Variants in EMID1 observed in about 807,000 individuals in gnomAD.
EMID1 encodes EMI domain-containing protein 1.
Under a neutral mutation model 60.6 loss-of-function variants are expected in EMID1, and 40 were observed. The observed-to-expected ratio is 0.66, with a 90% CI of 0.51 to 0.86. The LOEUF (loss-of-function observed/expected upper bound fraction) is 0.86, where lower values mean the gene tolerates loss of function less well. Among genes scored for constraint, EMID1 ranks in the 40% least tolerant of loss-of-function variants. The pLI is 0.00. For missense variants in EMID1, 585 were observed against 597.1 expected (o/e 0.98, Z 0.21); for synonymous variants, 242 against 231.0 (o/e 1.05, Z -0.43).
At chr22:29,215,403 C>T in intron 2 of EMID1, 124 bp from the exon 3 acceptor site, 1 of 1,271,056 alleles carries the variant, frequency 7.9e-7, no homozygotes, top group South Asian at 1.5e-5. Context: ...GAGAGAGCCT[C>T]CAAAGGGACC....
intron 14 of EMID1, chr22:29,255,187 C>T (rs2041657834): frequency 1.3e-5 from 3 of 225,766 alleles, no homozygotes; most frequent in Non-Finnish European, 3.1e-5. Flanking sequence ...GCTGGCAGTG[C>T]CCTCCCACCC....
chr22:29,252,301 G>A (rs2041557048), intron 13 of EMID1, among the ~76,000 whole-genome samples: 1 of 152,218 alleles, frequency 6.6e-6, no homozygotes, highest in African/African-American at 2.4e-5. Flanking sequence ...CACTCATGAT[G>A]GACATATTGA....
intron 14 of EMID1, chr22:29,255,474 C>CT: frequency 1.3e-6 from 1 of 786,832 alleles, no homozygotes; most frequent in Non-Finnish European, 1.9e-6. Context: ...GACACTCATT[C>CT]TTCATCCAGC....
intron 5 of EMID1, among the ~76,000 whole-genome samples, chr22:29,230,281 C>T (rs1362459925): frequency 6.6e-6 from 1 of 151,668 alleles, no homozygotes; most frequent in African/African-American, 2.4e-5. Context: ...TGCAGTGAGC[C>T]GAGATCGTGC....
chr22:29,252,455 C>G (rs1415983996), intron 13 of EMID1, among the ~76,000 whole-genome samples: 1 of 152,198 alleles, frequency 6.6e-6, no homozygotes, highest in Non-Finnish European at 1.5e-5. Flanking sequence ...CAGATGTTGT[C>G]AGAGCTGGGA....
intron 1 of EMID1, among the ~76,000 whole-genome samples, chr22:29,209,573 T>A (rs1011402775): frequency 6.6e-6 from 1 of 152,124 alleles, no homozygotes; most frequent in South Asian, 2.1e-4. Context: ...TCAACAAACA[T>A]CGCTGAGCGT....
Position 29,234,366 on chromosome 22 carries a change from G to A in EMID1, c.1074+17G>A, listed in dbSNP as rs1261604832. On this transcript the variant is annotated intron_variant, in intron 12 of 14. Coordinates refer to ENST00000334018, the MANE Select transcript of EMID1 (RefSeq NM_133455.4). ...GGGCAGCGGGTAAGTGTTGCTGTCT[G>A]TCCCGCATTCATCCCTGCAGGATCC... The A allele has an allele frequency of 6.2e-7, 1 of 1,612,170 alleles. No homozygotes were observed. Among genetic ancestry groups the A allele is most frequent in the Non-Finnish European group, 8.5e-7 (1 of 1,179,492 alleles).
chr22:29,232,666 G>C (rs1381845043), intron 8 of EMID1: 1 of 438,608 alleles, frequency 2.3e-6, no homozygotes, highest in Non-Finnish European at 4.0e-6. Context: ...TCCAGAACCT[G>C]TGCTTAGAGC....
intron 13 of EMID1, among the ~76,000 whole-genome samples, chr22:29,249,118 C>A (rs1490133058): frequency 6.6e-6 from 1 of 152,204 alleles, no homozygotes; most frequent in Non-Finnish European, 1.5e-5. Flanking sequence ...GACATTCTCC[C>A]ACATTACCAC....
intron 12 of EMID1, 56 bp from the exon 13 acceptor site, chr22:29,243,389 G>T: frequency 6.4e-6 from 10 of 1,558,340 alleles, no homozygotes; most frequent in African/African-American, 2.8e-5. Flanking sequence ...TTTTTTTCCC[G>T]TCCCTTTCTG....
At chr22:29,252,182 C>A (rs1157381401) in intron 13 of EMID1, among the ~76,000 whole-genome samples, 1 of 152,172 alleles carries the variant, frequency 6.6e-6, no homozygotes, top group Non-Finnish European at 1.5e-5. Flanking sequence ...CTCGTGGTGA[C>A]CCTGGGACCC....
intron 13 of EMID1, among the ~76,000 whole-genome samples, chr22:29,249,237 T>C (rs73156512): frequency 0.055 from 8,405 of 152,056 alleles, 344 homozygotes; most frequent in Non-Finnish European, 0.074. Context: ...GGCTTTTCTT[T>C]TTTTTTTCCT....
chr22:29,220,909 C>T (rs2040267240), intron 3 of EMID1, among the ~76,000 whole-genome samples: 1 of 151,972 alleles, frequency 6.6e-6, no homozygotes, highest in Non-Finnish European at 1.5e-5. Flanking sequence ...CAACACTGGC[C>T]GTGTGGAGGT....
rs542310582 is a variant in EMID1, at chr22:29,235,118, C to T, written c.1074+769C>T. On this transcript the variant is annotated intron_variant, in intron 12 of 14. Transcript: ENST00000334018. ...ATCCTAGCACTTTGGGGGGCTGAGA[C>T]GGGTGGATCACCTGAGGTCAGAAGT... Among the ~76,000 whole-genome samples the T allele has an allele frequency of 4.6e-4, 70 of 152,142 alleles. 1 individual carries two copies. Among genetic ancestry groups the T allele is most frequent in the Admixed American group, 6.5e-4 (10 of 15,290 alleles).
intron 1 of EMID1, among the ~76,000 whole-genome samples, chr22:29,212,139 C>A (rs1461285882): frequency 2.6e-5 from 4 of 151,950 alleles, no homozygotes; most frequent in African/African-American, 9.7e-5. Flanking sequence ...GCGCACACCA[C>A]CACGCCCAGC....
Position 29,215,035 on chromosome 22 carries a change from A to T in EMID1, c.211A>T (p.Ser71Cys). Residue 71 changes from serine to cysteine, a missense_variant, in exon 2 of 15, where the codon AGC becomes TGC. Coordinates refer to ENST00000334018, the MANE Select transcript of EMID1 (RefSeq NM_133455.4). ...NCPWPMSCPGSSYRTVVRPTY... is the reference protein window; with the variant it reads ...NCPWPMSCPGCSYRTVVRPTY... Reference sequence around the variant, plus strand: ...CCCCTGGCCCATGAGCTGTCCGGGGAGCAGGTAAATGAGGTGGAGAAGGAA... The same window carrying T: ...CCCCTGGCCCATGAGCTGTCCGGGGTGCAGGTAAATGAGGTGGAGAAGGAA... The T allele has an allele frequency of 6.5e-7, 1 of 1,534,130 alleles. No homozygotes were observed.
chr22:29,241,320 TAAG>T (rs1344637429), intron 12 of EMID1, among the ~76,000 whole-genome samples: 1 of 152,208 alleles, frequency 6.6e-6, no homozygotes, highest in African/African-American at 2.4e-5. Flanking sequence ...CCAACAGATC[TAAG>T]AAGAGTTGTT....
rs2041796727 is a variant in EMID1 at position 29,258,678 on chromosome 22, C to A, written c.1205-139C>A. ...ACCAATCTGCAGACCCCCTTTCCCA[C>A]AGCTCTGCAGCCAGATACCAGGGTG... is the stretch of plus-strand genomic sequence containing the variant. On this transcript the variant is annotated intron_variant, in intron 14 of 14. Coordinates refer to ENST00000334018, the MANE Select transcript of EMID1 (RefSeq NM_133455.4). 3.0e-6 allele frequency: 4 copies of A among 1,351,744 alleles called. 1 individual carries two copies. Among genetic ancestry groups the A allele is most frequent in the African/African-American group, 3.0e-5 (2 of 67,106 alleles). 83.7% of individuals were successfully genotyped at this position (1,351,744 alleles called of 1,614,324 possible). A position where few individuals can be genotyped will look rare whatever the true frequency, so the allele number is the denominator to read the frequency against.
At chr22:29,236,565 C>G (rs1186060429) in intron 12 of EMID1, among the ~76,000 whole-genome samples, 6 of 151,876 alleles carry the variant, frequency 4.0e-5, no homozygotes, top group Non-Finnish European at 7.4e-5. Context: ...GTGGCGCACT[C>G]CTGTAATCCC....
Sources: gnomAD v4.1 joint callset for allele counts (sites outside exome capture counted in the v4.1 genomes callset) on GRCh38, gnomAD v4.1.1 for gene constraint, MANE v1.5 for transcripts, NCBI Gene and HGNC (gene_info 2026-07-23, HGNC 2026-07-21) for gene names.